The following SLC11A2 variants were observed in gnomAD, a reference collection of about 807,000 sequenced individuals.
The protein encoded by SLC11A2 is natural resistance-associated macrophage protein 2.
Under a neutral mutation model 68.0 loss-of-function variants are expected in SLC11A2, and 38 were observed. The observed-to-expected ratio is 0.56, with a 90% CI of 0.43 to 0.73. The LOEUF (loss-of-function observed/expected upper bound fraction) is 0.73, where lower values mean the gene tolerates loss of function less well. Ranked by LOEUF, SLC11A2 falls within the 30% of genes least tolerant of loss-of-function variation. The pLI, the probability that SLC11A2 is intolerant of heterozygous loss-of-function variation, is 0.00. For missense variants in SLC11A2, 517 were observed against 690.5 expected, an observed-to-expected ratio of 0.75 and a Z score of 2.82; for synonymous variants, 242 against 250.6, an observed-to-expected ratio of 0.97 and a Z score of 0.32.
In SLC11A2 at chr12:50,995,699, G is replaced by A. The variant is rs1941639174; in HGVS notation, c.920C>T (p.Ser307Phe). ...FIESCIALFV[S>F]FIINVFVVSV... ...GACAACAAAGACATTGATGATGAAG[G>A]AAACAAAGAGTGCAATGCAGGATTC... Residue 307 changes from serine (S) to phenylalanine (F), a missense_variant, in exon 10 of 16, where the codon TCC becomes TTC. Transcript: ENST00000262052. 6.2e-7 allele frequency: 1 copy of A among 1,614,004 alleles called. No individual in the cohort carries two copies. Among genetic ancestry groups the A allele is most frequent in the Non-Finnish European group, 8.5e-7 (1 of 1,180,002 alleles).
chr12:50,990,205 T>C (rs1394420134), intron 15 of SLC11A2, among the ~76,000 whole-genome samples: 3 of 152,184 alleles, frequency 2.0e-5, no homozygotes, highest in African/African-American at 7.2e-5. Flanking sequence ...AAGGGGAGAC[T>C]ATCACTATTT....
chr12:50,997,501 A>C (rs757486415), intron 8 of SLC11A2, among the ~76,000 whole-genome samples: 1 of 151,980 alleles, frequency 6.6e-6, no homozygotes, highest in African/African-American at 2.4e-5. Flanking sequence ...CAGGAGTTCA[A>C]GAGCAGCCTG....
chr12:51,021,012 G>A (rs997137562), intron 1 of SLC11A2, among the ~76,000 whole-genome samples: 31 of 152,118 alleles, frequency 2.0e-4, no homozygotes, highest in African/African-American at 7.0e-4. Context: ...GATCCCTTGA[G>A]CCCAGGAAGT....
intron 14 of SLC11A2, among the ~76,000 whole-genome samples, chr12:50,991,228 G>A (rs562989019): frequency 1.3e-5 from 2 of 152,144 alleles, no homozygotes; most frequent in Admixed American, 6.5e-5. Flanking sequence ...TTTTATTAAC[G>A]TTCCCAAAAA....
In SLC11A2 at chr12:51,026,291, G is replaced by A; in HGVS notation, c.-39+19C>T. 1 of 1,244,882 alleles carries A rather than the reference G, an allele frequency of 8.0e-7. No individual in the cohort carries two copies. The highest frequency in any genetic ancestry group is 1.3e-5 in the South Asian group (1 of 79,360). The allele number at this position is 1,244,882 out of a possible 1,614,324, so 77.1% of individuals were successfully genotyped here. ...CAGCGAGCGGAATGCCGTGACCCCT[G>A]ACCTTGCCTTCCCCTCACCTTACCA... On this transcript the variant is annotated intron_variant, in intron 1 of 15. Coordinates refer to ENST00000262052, the MANE Select transcript of SLC11A2 (RefSeq NM_000617.3).
chr12:51,010,585 A>T, intron 2 of SLC11A2, 110 bp downstream of exon 2: 5 of 691,322 alleles, frequency 7.2e-6, no homozygotes, highest in Non-Finnish European at 1.1e-5. Flanking sequence ...TGGAGTTGTT[A>T]GAATAGATGA....
intron 15 of SLC11A2, among the ~76,000 whole-genome samples, chr12:50,989,728 A>T (rs1940955985): frequency 6.6e-6 from 1 of 152,244 alleles, no homozygotes; most frequent in Non-Finnish European, 1.5e-5. Flanking sequence ...TGGGAAGAAA[A>T]AAAGAAGAGA....
downstream of SLC11A2, among the ~76,000 whole-genome samples, chr12:50,977,083 T>C (rs564655102): frequency 3.3e-5 from 5 of 152,310 alleles, no homozygotes; most frequent in African/African-American, 1.2e-4. Context: ...AGGTAATTTA[T>C]AGATTCAATG....
chr12:50,992,455 G>C, intron 12 of SLC11A2, 116 bp from the exon 13 acceptor site: 1 of 959,082 alleles, frequency 1.0e-6, no homozygotes. Flanking sequence ...AAGGGGCCAG[G>C]CGCAGTGGCT....
At chr12:50,994,107 C>A (rs1941473623) in intron 11 of SLC11A2, among the ~76,000 whole-genome samples, 1 of 149,660 alleles carries the variant, frequency 6.7e-6, no homozygotes, top group Admixed American at 6.7e-5. Context: ...GTGGCCCAAT[C>A]TCGGCTCACT....
intron 8 of SLC11A2, among the ~76,000 whole-genome samples, chr12:50,997,865 G>A (rs1348742761): frequency 2.6e-5 from 4 of 150,952 alleles, no homozygotes; most frequent in South Asian, 2.1e-4. Flanking sequence ...GCGGGCACCC[G>A]TAATCCCAGC....
downstream of SLC11A2, among the ~76,000 whole-genome samples, chr12:50,983,762 G>C (rs140214885): frequency 4.2e-3 from 632 of 152,114 alleles, 4 homozygotes; most frequent in African/African-American, 0.014. Flanking sequence ...CATGAGGTCA[G>C]GGGTTTGAGA....
chr12:50,980,217 C>T (rs906255986), downstream of SLC11A2: 6 of 259,104 alleles, frequency 2.3e-5, no homozygotes, highest in Admixed American at 9.1e-5. Context: ...CAGAGCAAGA[C>T]CCTGTCTTAA....
chr12:51,016,372 C>A (rs901877956), intron 1 of SLC11A2, among the ~76,000 whole-genome samples: 1 of 151,694 alleles, frequency 6.6e-6, no homozygotes, highest in East Asian at 2.0e-4. Flanking sequence ...TATGGTGAAA[C>A]CCCATCTCTA....
intron 8 of SLC11A2, among the ~76,000 whole-genome samples, chr12:50,998,972 C>T (rs533044294): frequency 1.3e-5 from 2 of 152,106 alleles, no homozygotes; most frequent in South Asian, 2.1e-4. Context: ...ACCTGGGAGC[C>T]CCTGCAGGCC....
At chr12:50,997,039 G>T in intron 8 of SLC11A2, 67 bp from the exon 9 acceptor site, 1 of 1,261,618 alleles carries the variant, frequency 7.9e-7, no homozygotes, top group Non-Finnish European at 1.2e-6. Flanking sequence ...TAGTACCAGG[G>T]AACAGTTAGC....
the SLC11A2 span, chr12:50,960,916 ACG>A: frequency 5.0e-6 from 7 of 1,404,774 alleles, no homozygotes; most frequent in African/African-American, 7.4e-5. Context: ...CTGGTCTCAC[ACG>A]ATGCTCCTGC....
In SLC11A2 at chr12:50,995,492, T is replaced by A. The variant is rs538257782; in HGVS notation, c.990+137A>T. The A allele has an allele frequency of 1.2e-4, 109 of 914,628 alleles. No individual in the cohort carries two copies. The East Asian group carries it at 2.1e-3, about 18-fold the overall frequency. The allele number at this position is 914,628 out of a possible 1,614,324, so 56.7% of individuals were successfully genotyped here. A position where few individuals can be genotyped will look rare whatever the true frequency, so the allele number is the denominator to read the frequency against. On this transcript the variant is annotated intron_variant, in intron 10 of 15. Transcript: ENST00000262052. ...TAGACTCTGACTGGTGCACAGTGAT[T>A]TTGGGGGGCAGACGAGAAGCTAGAG...
At chr12:51,001,334 AT>A (rs1566007719) in intron 5 of SLC11A2, among the ~76,000 whole-genome samples, 3 of 152,020 alleles carry the variant, frequency 2.0e-5, no homozygotes, top group Non-Finnish European at 4.4e-5. Context: ...GAGCAAAATG[AT>A]AAGAACTTAT....
Sources: allele counts gnomAD v4.1 joint callset (sites outside exome capture counted in the v4.1 genomes callset), GRCh38; gene constraint gnomAD v4.1.1; transcripts MANE v1.5; gene names NCBI Gene and HGNC (gene_info 2026-07-23, HGNC 2026-07-21).